GFOD1: variants seen among roughly 807,000 people sequenced by gnomAD.
The protein encoded by GFOD1 is Gfo/Idh/MocA-like oxidoreductase domain containing 1.
Under a neutral mutation model 25.4 loss-of-function variants are expected in GFOD1, and 9 were observed. The ratio of observed to expected loss-of-function variants is 0.35; its 90% CI spans 0.21 to 0.62. The LOEUF (loss-of-function observed/expected upper bound fraction) is 0.62. Among genes scored for constraint, GFOD1 ranks in the 20% least tolerant of loss-of-function variants. GFOD1 has a pLI of 0.72. For missense variants in GFOD1, 403 were observed against 556.9 expected, an observed-to-expected ratio of 0.72 and a Z score of 2.78; for synonymous variants, 253 against 245.6, an observed-to-expected ratio of 1.03 and a Z score of -0.28.
At chr6:13,467,322 G>A (rs944753971) in intron 1 of GFOD1, among the ~76,000 whole-genome samples, 19 of 152,184 alleles carry the variant, frequency 1.2e-4, no homozygotes, top group African/African-American at 2.9e-4. Flanking sequence ...TATAGGTAAC[G>A]AAATGAAAGT....
rs750322423 is a variant in GFOD1 at position 13,365,632 on chromosome 6, G to T, written c.284C>A (p.Thr95Lys). 1 of 1,598,424 alleles carries T rather than the reference G, an allele frequency of 6.3e-7. No homozygotes were observed. Among genetic ancestry groups the T allele is most frequent in the Non-Finnish European group, 8.5e-7 (1 of 1,178,124 alleles). Reference sequence around the variant, plus strand: ...GCGGAAAGCGTCCAGCGGCGTGGCCGTGCGGTCGCAGATGACGTTCTTGCC... The same window carrying T: ...GCGGAAAGCGTCCAGCGGCGTGGCCTTGCGGTCGCAGATGACGTTCTTGCC... ...GIGKNVICDR[T>K]ATPLDAFRMT... The change falls in exon 2 of 2, where the codon ACG (threonine) becomes AAG (lysine). Residue 95 changes from threonine (T) to lysine (K), a missense_variant. Coordinates refer to ENST00000379287, the MANE Select transcript of GFOD1 (RefSeq NM_018988.4). The surrounding 1 kb of genome is among the most constrained non-coding windows in gnomAD (Gnocchi z 9.2).
intron 1 of GFOD1, among the ~76,000 whole-genome samples, chr6:13,481,547 G>A (rs1758751254): frequency 6.6e-6 from 1 of 151,398 alleles, no homozygotes. Context: ...TGAAAGTGGA[G>A]AGTGATACCT....
Position 13,365,532 on chromosome 6 carries a change from G to A in GFOD1, c.384C>T (p.Phe128=), listed in dbSNP as rs966200224. The A allele has an allele frequency of 6.2e-7, 1 of 1,612,462 alleles. No homozygotes were observed. ...MGNVLRFLPA[F]VRMKQLIEEG... Reference sequence around the variant, plus strand: ...CCTCGATCAGCTGCTTCATGCGCACGAAAGCCGGCAGGAAGCGCAGCACGT... The same window carrying A: ...CCTCGATCAGCTGCTTCATGCGCACAAAAGCCGGCAGGAAGCGCAGCACGT... Residue 128 remains phenylalanine, a synonymous_variant, in exon 2 of 2, where the codon TTC becomes TTT. Coordinates refer to ENST00000379287, the MANE Select transcript of GFOD1 (RefSeq NM_018988.4). This position sits in a 1 kb window ranked among gnomAD's most constrained non-coding sequence, Gnocchi z 9.2.
intron 1 of GFOD1, among the ~76,000 whole-genome samples, chr6:13,373,778 C>T (rs77875770): frequency 8.0e-6 from 1 of 125,446 alleles, no homozygotes; most frequent in Non-Finnish European, 1.7e-5. Context: ...ACACACTACG[C>T]TTTTTTTTTT....
intron 1 of GFOD1, among the ~76,000 whole-genome samples, chr6:13,387,882 C>T (rs1785508859): frequency 6.6e-6 from 1 of 152,190 alleles, no homozygotes; most frequent in South Asian, 2.1e-4. Flanking sequence ...CATCTCAGCC[C>T]CAAATCCCCT....
At chr6:13,442,277 C>T (rs1757930048) in intron 1 of GFOD1, among the ~76,000 whole-genome samples, 1 of 152,222 alleles carries the variant, frequency 6.6e-6, no homozygotes, top group Admixed American at 6.5e-5. Context: ...TTGCACTTTT[C>T]AGCTATTGCA....
intron 1 of GFOD1, among the ~76,000 whole-genome samples, chr6:13,464,587 C>T (rs1758347556): frequency 6.6e-6 from 1 of 152,202 alleles, no homozygotes; most frequent in Non-Finnish European, 1.5e-5. Context: ...TTGGGTGACA[C>T]ACTTTTCCGG....
At chr6:13,440,957 T>A (rs960743600) in intron 1 of GFOD1, among the ~76,000 whole-genome samples, 1 of 152,238 alleles carries the variant, frequency 6.6e-6, no homozygotes, top group African/African-American at 2.4e-5. Flanking sequence ...TGTATTCAGA[T>A]GGATGGGAAT....
At chr6:13,419,651 T>C (rs1311494517) in intron 1 of GFOD1, among the ~76,000 whole-genome samples, 2 of 152,152 alleles carry the variant, frequency 1.3e-5, no homozygotes, top group East Asian at 3.8e-4. Flanking sequence ...ATCTGCTTCC[T>C]CCTCTGCAGC....
At chr6:13,484,891 G>C (rs142443547) in intron 1 of GFOD1, among the ~76,000 whole-genome samples, 2 of 152,270 alleles carry the variant, frequency 1.3e-5, no homozygotes, top group African/African-American at 4.8e-5. Flanking sequence ...TTTCAGATAT[G>C]ACCAGTCCTA....
chr6:13,395,216 A>G (rs1785704058), intron 1 of GFOD1, among the ~76,000 whole-genome samples: 1 of 152,222 alleles, frequency 6.6e-6, no homozygotes, highest in African/African-American at 2.4e-5. Context: ...TTAAAAATGA[A>G]AAAATTGCCC....
At chr6:13,463,276 A>C (rs1348893212) in intron 1 of GFOD1, among the ~76,000 whole-genome samples, 1 of 152,138 alleles carries the variant, frequency 6.6e-6, no homozygotes, top group Non-Finnish European at 1.5e-5. Context: ...ACTTGGAAAA[A>C]GGGGTCTCAC....
At chr6:13,485,783 A>G (rs1758850872) in intron 1 of GFOD1, among the ~76,000 whole-genome samples, 1 of 152,170 alleles carries the variant, frequency 6.6e-6, no homozygotes, top group Non-Finnish European at 1.5e-5. Flanking sequence ...GCGATTAGGG[A>G]GGGCCTTTTC....
intron 1 of GFOD1, among the ~76,000 whole-genome samples, chr6:13,393,898 C>G (rs1014463506): frequency 6.6e-6 from 1 of 151,534 alleles, no homozygotes; most frequent in Non-Finnish European, 1.5e-5. Flanking sequence ...CCTGCCTCAG[C>G]CTCCCGAGGA....
chr6:13,385,747 T>C (rs990200369), intron 1 of GFOD1, among the ~76,000 whole-genome samples: 1 of 152,154 alleles, frequency 6.6e-6, no homozygotes, highest in African/African-American at 2.4e-5. Context: ...TAAAATACAG[T>C]GACTAAAACA....
chr6:13,369,293 G>A (rs546216642), intron 1 of GFOD1, among the ~76,000 whole-genome samples: 2 of 152,334 alleles, frequency 1.3e-5, no homozygotes, highest in East Asian at 1.9e-4. Flanking sequence ...AAAGTCAAAC[G>A]AGACTTCTAG....
In GFOD1 at chr6:13,374,271, T is replaced by TG. The variant is rs1554199401; in HGVS notation, c.254-8610_254-8609insC. Among the ~76,000 whole-genome samples, 1,150 of 134,418 alleles carry TG rather than the reference T, an allele frequency of 8.6e-3. 9 individuals carry two copies. The highest frequency in any genetic ancestry group is 0.019 in the East Asian group (88 of 4,694). The allele number at this position is 134,418 out of a possible 152,430, so 88.2% of individuals were successfully genotyped here. ...TAGTCTTTTTAAAAATATGTTTTTT[T>TG]TTTGTGTGTGTGTGTGTGTGTGTGT... is the stretch of plus-strand genomic sequence containing the variant. On this transcript the variant is annotated intron_variant, in intron 1 of 1. Transcript: ENST00000379287.
At position 13,365,072 on chromosome 6, in the gene GFOD1, C is replaced by T. The variant is rs376549071; in HGVS notation, c.844G>A (p.Ala282Thr). The change falls in exon 2 of 2, where the codon GCC (alanine) becomes ACC (threonine). Residue 282 changes from alanine (A) to threonine (T), a missense_variant. Coordinates refer to ENST00000379287, the MANE Select transcript of GFOD1 (RefSeq NM_018988.4). The surrounding 1 kb of genome is among the most constrained non-coding windows in gnomAD (Gnocchi z 9.2). ...APEQELLVQDATPVSNSLLPE... is the reference protein window; with the variant it reads ...APEQELLVQDTTPVSNSLLPE... ...AGCAGGGAGTTGCTCACCGGCGTGG[C>T]GTCCTGCACCAGCAGCTCCTGCTCC... 1.4e-5 allele frequency: 22 copies of T among 1,611,430 alleles called. No homozygotes were observed. Among genetic ancestry groups the T allele is most frequent in the East Asian group, 4.5e-5 (2 of 44,882 alleles).
At chr6:13,409,088 G>GAAAAGAAAGAAAGAAAGAAA (rs1554201853) in intron 1 of GFOD1, among the ~76,000 whole-genome samples, 12 of 36,718 alleles carry the variant, frequency 3.3e-4, no homozygotes, top group South Asian at 1.2e-3. Flanking sequence ...CCATCAGAAA[G>GAAAAGAAAGAAAGAAAGAAA]GAAAGAAAGA....
Sources: gnomAD v4.1 joint callset for allele counts (sites outside exome capture counted in the v4.1 genomes callset) on GRCh38, gnomAD v4.1.1 for gene constraint, Gnocchi (gnomAD v3.1) non-coding constraint, MANE v1.5 for transcripts, NCBI Gene and HGNC (gene_info 2026-07-23, HGNC 2026-07-21) for gene names.